Variants in TASP1 observed in about 807,000 individuals in gnomAD.
TASP1 encodes threonine aspartase 1.
A neutral mutation model predicts 56.6 loss-of-function variants in TASP1; 16 were observed. That is an observed-to-expected ratio of 0.28 (90% confidence interval 0.19 to 0.43). The LOEUF (loss-of-function observed/expected upper bound fraction) is 0.43. TASP1 is among the 20% of genes least tolerant of loss of function. The pLI, the probability that TASP1 is intolerant of heterozygous loss-of-function variation, is 1.00. For missense variants in TASP1, 393 were observed against 511.6 expected, an observed-to-expected ratio of 0.77 and a Z score of 2.24; for synonymous variants, 179 against 184.2, an observed-to-expected ratio of 0.97 and a Z score of 0.23.
chr20:13,450,142 G>A (rs2043562481), intron 11 of TASP1, among the ~76,000 whole-genome samples: 1 of 152,086 alleles, frequency 6.6e-6, no homozygotes, highest in African/African-American at 2.4e-5. Flanking sequence ...GCAGTGCTAT[G>A]TCTAAAAAAT....
chr20:13,199,586 G>A, the TASP1 span, among the ~76,000 whole-genome samples: 153 of 152,204 alleles, frequency 1.0e-3, no homozygotes, highest in African/African-American at 3.5e-3. Flanking sequence ...TTCATCCTGC[G>A]GTACAAGAGA....
the TASP1 span, among the ~76,000 whole-genome samples, chr20:13,351,422 A>G: frequency 0.018 from 2,693 of 152,330 alleles, 74 homozygotes; most frequent in African/African-American, 0.059. Context: ...ATTGGGAAAA[A>G]CCAACACATC....
At chr20:13,263,408 C>T in the TASP1 span, among the ~76,000 whole-genome samples, 3 of 151,794 alleles carry the variant, frequency 2.0e-5, no homozygotes, top group Admixed American at 6.6e-5. Flanking sequence ...AACAAGTGTG[C>T]CCCTTCTAGA....
chr20:13,431,804 TG>T (rs1305362928), intron 12 of TASP1, among the ~76,000 whole-genome samples: 3 of 152,116 alleles, frequency 2.0e-5, no homozygotes, highest in Non-Finnish European at 4.4e-5. Flanking sequence ...TGGGTTATCA[TG>T]GGAGTGGAAC....
At chr20:13,400,695 C>T (rs1272698160) in intron 13 of TASP1, among the ~76,000 whole-genome samples, 1 of 152,290 alleles carries the variant, frequency 6.6e-6, no homozygotes, top group Non-Finnish European at 1.5e-5. Flanking sequence ...CTACCACTTA[C>T]TGCATCCAGA....
Position 13,626,835 on chromosome 20 carries a change from A to C in TASP1, c.146-1583T>G, listed in dbSNP as rs77356833. On this transcript the variant is annotated intron_variant, in intron 2 of 13. Transcript: ENST00000337743. Reference sequence around the variant, plus strand: ...ATTCCAAAAAGATGACTTCAGTGTAAGGGACAAGGGCATTTAATAGCCTTA... The same window carrying C: ...ATTCCAAAAAGATGACTTCAGTGTACGGGACAAGGGCATTTAATAGCCTTA... 8.0e-3 allele frequency among the ~76,000 whole-genome samples: 1,222 copies of C among 152,250 alleles called. 20 individuals are homozygous for C. The highest frequency in any genetic ancestry group is 0.028 in the African/African-American group (1,151 of 41,540).
At chr20:13,176,556 A>G in the TASP1 span, among the ~76,000 whole-genome samples, 1 of 152,076 alleles carries the variant, frequency 6.6e-6, no homozygotes, top group Non-Finnish European at 1.5e-5. Flanking sequence ...CCTGGGATAC[A>G]TTTCACTTGA....
intron 1 of TASP1, among the ~76,000 whole-genome samples, chr20:13,636,140 C>CTTTTTTT (rs36048272): frequency 5.1e-5 from 5 of 98,020 alleles, no homozygotes; most frequent in Non-Finnish European, 5.7e-5. Context: ...TGTGTTGTTG[C>CTTTTTTT]TTTTTTTTTT....
In TASP1 at chr20:13,563,398, C is replaced by T. The variant is rs532775376; in HGVS notation, c.569-4284G>A. ...ACCAAAAACATTAACGAAGAGGAAA[C>T]GCTTCCAAAGTCATTCTATGAGGCC... On this transcript the variant is annotated intron_variant, in intron 7 of 13. Coordinates refer to ENST00000337743, the MANE Select transcript of TASP1 (RefSeq NM_017714.3). 4.6e-5 allele frequency among the ~76,000 whole-genome samples: 7 copies of T among 152,026 alleles called. No individual in the cohort carries two copies. The South Asian group carries it at 6.2e-4, about 14-fold the overall frequency.
At chr20:13,471,628 C>T (rs1241132966) in intron 11 of TASP1, among the ~76,000 whole-genome samples, 1 of 152,126 alleles carries the variant, frequency 6.6e-6, no homozygotes, top group Non-Finnish European at 1.5e-5. Context: ...CAAATTAGTA[C>T]CTCATCTCCA....
chr20:13,388,335 A>C (rs530566627), downstream of TASP1, among the ~76,000 whole-genome samples: 11 of 152,172 alleles, frequency 7.2e-5, no homozygotes, highest in East Asian at 2.1e-3. Context: ...TACCTGTTAC[A>C]TTTTTGCCTC....
At chr20:13,110,483 A>G in the TASP1 span, among the ~76,000 whole-genome samples, 1 of 152,112 alleles carries the variant, frequency 6.6e-6, no homozygotes, top group African/African-American at 2.4e-5. Context: ...TGCTAACTTG[A>G]GTTGATCTTT....
chr20:13,285,000 C>T, the TASP1 span, among the ~76,000 whole-genome samples: 1 of 152,238 alleles, frequency 6.6e-6, no homozygotes, highest in African/African-American at 2.4e-5. Context: ...AGAAAACCAC[C>T]CCCAGGCCAG....
intron 10 of TASP1, among the ~76,000 whole-genome samples, chr20:13,484,772 T>C (rs928103788): frequency 1.3e-5 from 2 of 149,144 alleles, no homozygotes; most frequent in Admixed American, 1.3e-4. Flanking sequence ...AAATGTAGCA[T>C]GTATACACCA....
intron 6 of TASP1, among the ~76,000 whole-genome samples, chr20:13,575,060 A>C (rs1400474079): frequency 6.6e-6 from 1 of 152,200 alleles, no homozygotes. Flanking sequence ...ATATGTAAAA[A>C]TTCTTTACCA....
chr20:13,106,397 T>C, the TASP1 span, among the ~76,000 whole-genome samples: 2 of 152,092 alleles, frequency 1.3e-5, no homozygotes, highest in East Asian at 1.9e-4. Context: ...TAAAAAATAA[T>C]AGACAAGTCG....
chr20:13,476,462 G>C (rs2042954239), intron 11 of TASP1, among the ~76,000 whole-genome samples: 1 of 152,088 alleles, frequency 6.6e-6, no homozygotes, highest in South Asian at 2.1e-4. Flanking sequence ...GAAGATTCCA[G>C]GATCTCCATT....
the TASP1 span, among the ~76,000 whole-genome samples, chr20:13,131,145 C>A: frequency 1.3e-5 from 2 of 152,084 alleles, no homozygotes; most frequent in Non-Finnish European, 2.9e-5. Flanking sequence ...AAAGCATTGT[C>A]AAAAATCATC....
At chr20:13,370,823 G>T in the TASP1 span, among the ~76,000 whole-genome samples, 4 of 152,186 alleles carry the variant, frequency 2.6e-5, no homozygotes, top group East Asian at 5.8e-4. Flanking sequence ...GAGATTTTTT[G>T]ATTACTACTT....
Sources: gnomAD v4.1 joint callset for allele counts (sites outside exome capture counted in the v4.1 genomes callset) on GRCh38, gnomAD v4.1.1 for gene constraint, MANE v1.5 for transcripts, NCBI Gene and HGNC (gene_info 2026-07-23, HGNC 2026-07-21) for gene names.